Variants in POLR3D observed in about 807,000 individuals in gnomAD.
The protein encoded by POLR3D is DNA-directed RNA polymerase III subunit RPC4.
Under a neutral mutation model 44.5 loss-of-function variants are expected in POLR3D, and 42 were observed. The observed-to-expected ratio is 0.94, with a 90% confidence interval of 0.74 to 1.22. POLR3D has a LOEUF of 1.22. Ranked by LOEUF, POLR3D falls within the 50% of genes most tolerant of loss-of-function variation. The probability of loss-of-function intolerance (pLI) is 0.00; values close to 1 mark genes in which losing one functional copy is unlikely to be tolerated. For synonymous variants in POLR3D, 217 were observed against 198.1 expected, an observed-to-expected ratio of 1.10 and a Z score of -0.80; for missense variants, 507 against 505.2, an observed-to-expected ratio of 1.00 and a Z score of -0.03.
At position 22,252,647 on chromosome 8, in the gene POLR3D, G is replaced by A. The variant is rs1326770613; in HGVS notation, c.*2129G>A. On this transcript the variant is annotated 3_prime_UTR_variant, in exon 9 of 9. Coordinates refer to ENST00000306433, the MANE Select transcript of POLR3D (RefSeq NM_001722.3). ...CCACCTTCTTGGTCAGGCCCCTGAG[G>A]CATGCATTTCTACCAAGGAATATGG... 2.6e-5 allele frequency: 4 copies of A among 152,172 alleles called. No individual in the cohort carries two copies. Among genetic ancestry groups the A allele is most frequent in the Admixed American group, 2.0e-4 (3 of 15,276 alleles). The allele number at this position is 152,172 out of a possible 1,614,324, so 9.4% of individuals were successfully genotyped here. A position where few individuals can be genotyped will look rare whatever the true frequency, so the allele number is the denominator to read the frequency against.
intron 2 of POLR3D, among the ~76,000 whole-genome samples, chr8:22,246,270 G>A (rs1461356944): frequency 1.3e-5 from 2 of 151,806 alleles, no homozygotes; most frequent in Non-Finnish European, 2.9e-5. Flanking sequence ...TGGGATTACA[G>A]GCGCCCGCCA....
At position 22,250,692 on chromosome 8, in the gene POLR3D, A is replaced by C. The variant is rs1217674385; in HGVS notation, c.*174A>C. 5.6e-6 allele frequency: 4 copies of C among 710,258 alleles called. No individual in the cohort carries two copies. The highest frequency in any genetic ancestry group is 4.8e-5 in the Admixed American group (2 of 41,524). The allele number at this position is 710,258 out of a possible 1,614,324, so 44.0% of individuals were successfully genotyped here. ...TCCTCCCACAGCAGCTGTGAATGGC[A>C]CAGTGACCTTCCTGCAGCGTGGAGA... On this transcript the variant is annotated 3_prime_UTR_variant, in exon 9 of 9. Coordinates refer to ENST00000306433, the MANE Select transcript of POLR3D (RefSeq NM_001722.3).
At chr8:22,247,753 C>A in intron 3 of POLR3D, 104 bp from the exon 4 acceptor site, 1 of 1,081,516 alleles carries the variant, frequency 9.2e-7, no homozygotes, top group Non-Finnish European at 1.3e-6. Context: ...TAAATATTGG[C>A]TCAAACTCTC....
In POLR3D at chr8:22,249,315, C is replaced by T. The variant is rs779131217; in HGVS notation, c.921+6C>T. On this transcript the variant is annotated splice_donor_region_variant and intron_variant, in intron 7 of 8. Coordinates refer to ENST00000306433, the MANE Select transcript of POLR3D (RefSeq NM_001722.3). The stretch of plus-strand genomic sequence containing the variant: ...TCAAGCAGGAGAAAGACCGAGTACG[C>T]TCAGACAGAGGCCTGCGGGAATCAA... The T allele has an allele frequency of 6.2e-7, 1 of 1,612,258 alleles. No individual in the cohort carries two copies. Among genetic ancestry groups the T allele is most frequent in the Non-Finnish European group, 8.5e-7 (1 of 1,178,618 alleles).
chr8:22,248,953 C>T (rs184999132), intron 6 of POLR3D, 91 bp from the exon 7 acceptor site: 3 of 1,424,016 alleles, frequency 2.1e-6, no homozygotes, highest in Admixed American at 3.5e-5. Flanking sequence ...GGCTGAGTGA[C>T]AGTGGAGCAG....
intron 6 of POLR3D, 92 bp downstream of exon 6, chr8:22,248,741 C>A: frequency 1.6e-6 from 2 of 1,273,568 alleles, no homozygotes; most frequent in Non-Finnish European, 2.2e-6. Context: ...CCCCTGACTG[C>A]TGCTCGTGAG....
rs1333078072 is a variant in POLR3D at position 22,251,476 on chromosome 8, T to C, written c.*958T>C. ...CCCAGGACATGTTCCCTGCACTCTT[T>C]CCTTTGCAGTTAGTACTCATGTATG... On this transcript the variant is annotated 3_prime_UTR_variant, in exon 9 of 9. Transcript: ENST00000306433. 6.5e-6 allele frequency: 1 copy of C among 153,754 alleles called. No homozygotes were observed. Among genetic ancestry groups the C allele is most frequent in the Non-Finnish European group, 1.5e-5 (1 of 68,050 alleles). 9.5% of individuals were successfully genotyped at this position (153,754 alleles called of 1,614,324 possible).
At chr8:22,246,950 A>G (rs551604468) in intron 2 of POLR3D, among the ~76,000 whole-genome samples, 1 of 152,338 alleles carries the variant, frequency 6.6e-6, no homozygotes, top group South Asian at 2.1e-4. Flanking sequence ...TAGAAGTCCC[A>G]GAGGATCTTC....
chr8:22,248,318 C>G (rs1340186568), intron 5 of POLR3D, 40 bp downstream of exon 5: 1 of 1,605,540 alleles, frequency 6.2e-7, no homozygotes, highest in Non-Finnish European at 8.5e-7. Context: ...TTCCTTGTGG[C>G]TGTAGAACAG....
At chr8:22,250,273 G>A in intron 8 of POLR3D, 46 bp downstream of exon 8, 1 of 1,612,290 alleles carries the variant, frequency 6.2e-7, no homozygotes, top group Non-Finnish European at 8.5e-7. Context: ...CAGGAGTGAA[G>A]GAGGATTGAA....
chr8:22,245,901 C>T (rs899935226), intron 2 of POLR3D, among the ~76,000 whole-genome samples: 12 of 152,200 alleles, frequency 7.9e-5, no homozygotes, highest in African/African-American at 2.9e-4. Flanking sequence ...TGTGTTTGGA[C>T]ATCTTTAAGA....
intron 2 of POLR3D, among the ~76,000 whole-genome samples, chr8:22,245,911 A>G (rs1252422360): frequency 6.6e-6 from 1 of 152,242 alleles, no homozygotes; most frequent in Non-Finnish European, 1.5e-5. Context: ...CATCTTTAAG[A>G]AACCCATGAA....
rs1269519633 is a variant in POLR3D, at chr8:22,245,430, C to T, written c.-5-15C>T. 5 of 1,309,230 alleles carry T rather than the reference C, an allele frequency of 3.8e-6. No individual in the cohort carries two copies. The highest frequency in any genetic ancestry group is 2.8e-5 in the East Asian group (1 of 35,582). The allele number at this position is 1,309,230 out of a possible 1,614,324, so 81.1% of individuals were successfully genotyped here. On this transcript the variant is annotated splice_polypyrimidine_tract_variant and intron_variant, in intron 1 of 8. Transcript: ENST00000306433. The stretch of plus-strand genomic sequence containing the variant: ...TCAGTCCCCTCTGGTGATCTCGTCG[C>T]CCCTTCTCTCCCAGGCAACATGTCG...
chr8:22,246,941 A>C (rs978344214), intron 2 of POLR3D, among the ~76,000 whole-genome samples: 7 of 152,226 alleles, frequency 4.6e-5, no homozygotes, highest in African/African-American at 1.7e-4. Context: ...CTTTGCTTTT[A>C]GAAGTCCCAG....
intron 4 of POLR3D, 51 bp downstream of exon 4, chr8:22,248,059 C>A: frequency 6.2e-7 from 1 of 1,607,366 alleles, no homozygotes; most frequent in South Asian, 1.1e-5. Flanking sequence ...CAGAGAAGGG[C>A]GAGAACAGTG....
In POLR3D at chr8:22,254,285, G is replaced by A. The variant is rs1240750603; in HGVS notation, c.*3767G>A. 4 of 152,202 alleles carry A rather than the reference G, an allele frequency of 2.6e-5. No individual in the cohort carries two copies. Among genetic ancestry groups the A allele is most frequent in the African/African-American group, 9.6e-5 (4 of 41,456 alleles). 9.4% of individuals were successfully genotyped at this position (152,202 alleles called of 1,614,324 possible). A position where few individuals can be genotyped will look rare whatever the true frequency, so the allele number is the denominator to read the frequency against. ...TTCATTGTATTTTATGACTGCTCAT[G>A]TATATTATTTCAGCCTCCAAAATTT... On this transcript the variant is annotated 3_prime_UTR_variant, in exon 9 of 9. Coordinates refer to ENST00000306433, the MANE Select transcript of POLR3D (RefSeq NM_001722.3).
chr8:22,248,053 G>A, intron 4 of POLR3D, 45 bp downstream of exon 4: 1 of 1,608,174 alleles, frequency 6.2e-7, no homozygotes, highest in South Asian at 1.1e-5. Flanking sequence ...CTGCCCCAGA[G>A]AAGGGCGAGA....
intron 2 of POLR3D, 72 bp downstream of exon 2, chr8:22,245,686 G>T (rs1830032874): frequency 9.4e-7 from 1 of 1,066,106 alleles, no homozygotes; most frequent in Non-Finnish European, 1.2e-6. Flanking sequence ...ACTAATGTTT[G>T]TGTAGGACCT....
In POLR3D at chr8:22,250,515, G is replaced by T. The variant is rs768946759; in HGVS notation, c.1194G>T (p.Arg398=). The part of the protein sequence containing the change: ...DFESLLDHKH[R] ...AATCCCTCTTGGATCACAAACACCG[G>T]TAAAATGAGCAGGTGGAGGAGGACG... is the stretch of plus-strand genomic sequence containing the variant. Residue 398 remains arginine (R), a synonymous_variant, in exon 9 of 9, where the codon CGG becomes CGT. Coordinates refer to ENST00000306433, the MANE Select transcript of POLR3D (RefSeq NM_001722.3). 9.3e-6 allele frequency: 15 copies of T among 1,614,016 alleles called. No homozygotes were observed. Among genetic ancestry groups the T allele is most frequent in the Admixed American group, 1.7e-5 (1 of 60,004 alleles).
Sources: allele counts gnomAD v4.1 joint callset (sites outside exome capture counted in the v4.1 genomes callset), GRCh38; gene constraint gnomAD v4.1.1; transcripts MANE v1.5; gene names NCBI Gene and HGNC (gene_info 2026-07-23, HGNC 2026-07-21).